The following ITGA8 variants were observed in gnomAD, a reference collection of about 807,000 sequenced individuals.
The protein encoded by ITGA8 is integrin subunit alpha 8, also known as integrin alpha-8.
ITGA8 carries 91 observed loss-of-function variants against 142.3 expected under a neutral mutation model. The ratio of observed to expected loss-of-function variants is 0.64; its 90% CI spans 0.54 to 0.76. ITGA8 has a LOEUF of 0.76. Ranked by LOEUF, ITGA8 falls within the 30% of genes least tolerant of loss-of-function variation. The pLI, the probability that ITGA8 is intolerant of heterozygous loss-of-function variation, is 0.00. For synonymous variants in ITGA8, 505 were observed against 485.2 expected (o/e 1.04, Z -0.54); for missense variants, 1,406 against 1,327.7 (o/e 1.06, Z -0.92).
At chr10:15,569,989 C>T (rs1346342956) in intron 25 of ITGA8, among the ~76,000 whole-genome samples, 6 of 152,126 alleles carry the variant, frequency 3.9e-5, no homozygotes, top group Non-Finnish European at 5.9e-5. Flanking sequence ...TATTTATAGT[C>T]ACTAATGTAA....
At chr10:15,599,835 C>T (rs1206461531) in intron 20 of ITGA8, among the ~76,000 whole-genome samples, 1 of 152,128 alleles carries the variant, frequency 6.6e-6, no homozygotes, top group African/African-American at 2.4e-5. Context: ...GCAGGAGAAT[C>T]GCTTGAACCT....
intron 8 of ITGA8, among the ~76,000 whole-genome samples, chr10:15,669,991 T>G (rs1162809049): frequency 1.3e-5 from 2 of 152,140 alleles, no homozygotes; most frequent in Non-Finnish European, 2.9e-5. Context: ...GTCTGCCCGT[T>G]CTCAGATCTC....
At chr10:15,679,942 G>T (rs371479060) in intron 4 of ITGA8, among the ~76,000 whole-genome samples, 5 of 152,154 alleles carry the variant, frequency 3.3e-5, no homozygotes, top group East Asian at 3.9e-4. Flanking sequence ...TAAGTAGAGG[G>T]AATCTCAATC....
intron 28 of ITGA8, among the ~76,000 whole-genome samples, chr10:15,526,689 A>T (rs942249410): frequency 6.6e-6 from 1 of 152,224 alleles, no homozygotes; most frequent in African/African-American, 2.4e-5. Context: ...ATACAGTTTT[A>T]TTTATCAAGT....
chr10:15,713,724 T>C (rs1361359383), intron 2 of ITGA8, among the ~76,000 whole-genome samples: 1 of 152,106 alleles, frequency 6.6e-6, no homozygotes, highest in African/African-American at 2.4e-5. Flanking sequence ...CATTGTGGGA[T>C]CACTCAACAC....
intron 1 of ITGA8, 57 bp from the exon 2 acceptor site, chr10:15,718,956 A>G: frequency 3.1e-6 from 5 of 1,612,320 alleles, no homozygotes; most frequent in Non-Finnish European, 4.2e-6. Context: ...TGCGCATGCA[A>G]TGCAGTCTCT....
chr10:15,644,248 A>T, intron 12 of ITGA8, 27 bp from the exon 13 acceptor site: 1 of 1,590,300 alleles, frequency 6.3e-7, no homozygotes, highest in African/African-American at 1.4e-5. Flanking sequence ...AACATGTTTT[A>T]TGTGTATATG....
chr10:15,520,869 C>T (rs1833052297), intron 28 of ITGA8, among the ~76,000 whole-genome samples: 1 of 152,196 alleles, frequency 6.6e-6, no homozygotes, highest in Admixed American at 6.5e-5. Context: ...ATTCTATAAC[C>T]CACCCGTCAG....
chr10:15,565,376 TTGTTC>T (rs1834059018), intron 25 of ITGA8, among the ~76,000 whole-genome samples: 1 of 151,938 alleles, frequency 6.6e-6, no homozygotes, highest in African/African-American at 2.4e-5. Context: ...TTGTTTTGTT[TTGTTC>T]TGTTTTTTTC....
At chr10:15,569,265 T>C (rs1204869501) in intron 25 of ITGA8, among the ~76,000 whole-genome samples, 2 of 152,174 alleles carry the variant, frequency 1.3e-5, no homozygotes, top group Non-Finnish European at 2.9e-5. Flanking sequence ...AGCGCCTCTC[T>C]TACAGGCCCA....
At chr10:15,605,149 C>G (rs548487657) in intron 19 of ITGA8, among the ~76,000 whole-genome samples, 4 of 152,052 alleles carry the variant, frequency 2.6e-5, no homozygotes, top group Non-Finnish European at 4.4e-5. Context: ...CATCCTAGTC[C>G]ATGTCTTCCC....
intron 26 of ITGA8, among the ~76,000 whole-genome samples, chr10:15,553,057 G>A (rs906832872): frequency 2.0e-5 from 3 of 152,160 alleles, no homozygotes; most frequent in Non-Finnish European, 4.4e-5. Context: ...AGGAGTTTGA[G>A]ACCAGCGTGG....
At chr10:15,655,320 A>G in intron 11 of ITGA8, 34 bp downstream of exon 11, 1 of 1,311,630 alleles carries the variant, frequency 7.6e-7, no homozygotes, top group South Asian at 1.2e-5. Context: ...GATGAATGTA[A>G]TATATTGTAT....
At chr10:15,625,840 A>G (rs1447606370) in intron 13 of ITGA8, among the ~76,000 whole-genome samples, 1 of 152,242 alleles carries the variant, frequency 6.6e-6, no homozygotes, top group East Asian at 1.9e-4. Flanking sequence ...CCTTTTAATG[A>G]AAAGCAGCCC....
intron 29 of ITGA8, among the ~76,000 whole-genome samples, chr10:15,518,335 T>A (rs1016538967): frequency 6.6e-6 from 1 of 152,216 alleles, no homozygotes; most frequent in Non-Finnish European, 1.5e-5. Context: ...CATGGTTGTA[T>A]CTTATACTCA....
At chr10:15,688,599 A>G (rs1163607247) in intron 2 of ITGA8, among the ~76,000 whole-genome samples, 1 of 152,254 alleles carries the variant, frequency 6.6e-6, no homozygotes, top group Non-Finnish European at 1.5e-5. Flanking sequence ...AAAAATCTTC[A>G]ACAAAATACT....
At chr10:15,710,684 C>T (rs548504321) in intron 2 of ITGA8, among the ~76,000 whole-genome samples, 111 of 152,272 alleles carry the variant, frequency 7.3e-4, no homozygotes, top group African/African-American at 2.5e-3. Flanking sequence ...AGTTGTGTAA[C>T]TAGCGAGGCA....
intron 13 of ITGA8, 115 bp from the exon 14 acceptor site, chr10:15,616,674 C>G: frequency 2.4e-6 from 2 of 820,942 alleles, no homozygotes; most frequent in South Asian, 2.9e-5. Context: ...ACGAGAGCCA[C>G]AAAATTAGAA....
At chr10:15,533,524 T>G (rs1486440375) in intron 27 of ITGA8, among the ~76,000 whole-genome samples, 1 of 152,192 alleles carries the variant, frequency 6.6e-6, no homozygotes, top group African/African-American at 2.4e-5. Context: ...ACTCTAGTAA[T>G]GAGATCTTGT....
Sources: gnomAD v4.1 joint callset for allele counts (sites outside exome capture counted in the v4.1 genomes callset) on GRCh38, gnomAD v4.1.1 for gene constraint, MANE v1.5 for transcripts, NCBI Gene and HGNC (gene_info 2026-07-23, HGNC 2026-07-21) for gene names.